Variants in GLIS3 observed in about 807,000 individuals in gnomAD.
The protein encoded by GLIS3 is GLIS family zinc finger 3, also known as zinc finger protein GLIS3.
GLIS3 carries 53 observed loss-of-function variants against 78.6 expected under a neutral mutation model. That is an observed-to-expected ratio of 0.67 (90% CI 0.54 to 0.85). GLIS3 has a LOEUF of 0.85. Ranked by LOEUF, GLIS3 falls within the 40% of genes least tolerant of loss-of-function variation. The pLI is 0.00. For synonymous variants in GLIS3, 684 were observed against 509.9 expected (o/e 1.34, Z -4.60); for missense variants, 1,703 against 1,231.1 (o/e 1.38, Z -5.74).
chr9:4,221,449 A>G (rs1011396363), intron 2 of GLIS3, among the ~76,000 whole-genome samples: 1 of 152,256 alleles, frequency 6.6e-6, no homozygotes, highest in Non-Finnish European at 1.5e-5. Context: ...CACATGTATC[A>G]TGCAGGGTCC....
chr9:4,044,082 C>G (rs755488989), intron 4 of GLIS3, among the ~76,000 whole-genome samples: 1 of 152,204 alleles, frequency 6.6e-6, no homozygotes, highest in Non-Finnish European at 1.5e-5. Context: ...AGAAAACTGG[C>G]AGACACCTTC....
At chr9:4,466,824 G>A in the GLIS3 span, among the ~76,000 whole-genome samples, 732 of 152,362 alleles carry the variant, frequency 4.8e-3, 2 homozygotes, top group Non-Finnish European at 8.5e-3. Context: ...AGCTGAAGCA[G>A]TGCAGGGCAT....
chr9:4,330,761 G>C (rs1397381952), intron 2 of GLIS3, among the ~76,000 whole-genome samples: 1 of 152,090 alleles, frequency 6.6e-6, no homozygotes, highest in Non-Finnish European at 1.5e-5. Context: ...AGCCCACTGA[G>C]AAGAGGGACT....
intron 4 of GLIS3, among the ~76,000 whole-genome samples, chr9:4,098,478 C>T (rs1018617452): frequency 3.3e-5 from 5 of 152,108 alleles, no homozygotes; most frequent in African/African-American, 7.2e-5. Context: ...TAACCCTCAC[C>T]CCTGAAGAAA....
At chr9:4,403,604 C>T in the GLIS3 span, among the ~76,000 whole-genome samples, 1 of 152,110 alleles carries the variant, frequency 6.6e-6, no homozygotes, top group African/African-American at 2.4e-5. Flanking sequence ...TATTAGTTTT[C>T]TTTTTGCATG....
chr9:4,370,738 ATAG>A, the GLIS3 span, among the ~76,000 whole-genome samples: 1 of 151,356 alleles, frequency 6.6e-6, no homozygotes, highest in Non-Finnish European at 1.5e-5. Flanking sequence ...TAAATTTAGC[ATAG>A]TATTATATCC....
intron 2 of GLIS3, among the ~76,000 whole-genome samples, chr9:4,321,572 T>C (rs1324359929): frequency 6.6e-6 from 1 of 150,674 alleles, no homozygotes; most frequent in Non-Finnish European, 1.5e-5. Flanking sequence ...AAAATGAACA[T>C]TTCAGAACTC....
intron 4 of GLIS3, among the ~76,000 whole-genome samples, chr9:3,953,976 G>A (rs1042023495): frequency 6.6e-6 from 1 of 151,818 alleles, no homozygotes; most frequent in Non-Finnish European, 1.5e-5. Flanking sequence ...ACAATACCAC[G>A]TTTTTTTCCC....
chr9:3,894,289 T>TTAAG (rs1822667411), intron 7 of GLIS3, among the ~76,000 whole-genome samples: 1 of 152,210 alleles, frequency 6.6e-6, no homozygotes, highest in South Asian at 2.1e-4. Context: ...AACTCTCCTA[T>TTAAG]TAAGTTTAAC....
At chr9:4,036,812 T>G (rs1025981200) in intron 4 of GLIS3, among the ~76,000 whole-genome samples, 3 of 152,198 alleles carry the variant, frequency 2.0e-5, no homozygotes, top group African/African-American at 7.2e-5. Flanking sequence ...GAAAGCCGTT[T>G]GGAGGACTCA....
intron 10 of GLIS3, 151 bp downstream of exon 10, chr9:3,829,159 A>C: frequency 3.0e-6 from 2 of 672,324 alleles, no homozygotes; most frequent in Non-Finnish European, 5.4e-6. Flanking sequence ...CTGGAGGGGA[A>C]GGTGGAGATG....
At chr9:3,948,840 C>T (rs1371663842) in intron 4 of GLIS3, among the ~76,000 whole-genome samples, 1 of 152,170 alleles carries the variant, frequency 6.6e-6, no homozygotes, top group Non-Finnish European at 1.5e-5. Flanking sequence ...TGTCATCTTA[C>T]AGAGCCAACA....
the GLIS3 span, among the ~76,000 whole-genome samples, chr9:4,482,630 G>C: frequency 6.6e-6 from 1 of 152,154 alleles, no homozygotes; most frequent in Non-Finnish European, 1.5e-5. Flanking sequence ...TATTTCTAGA[G>C]ATACTCAGAA....
chr9:4,283,231 C>G (rs1827708614), intron 2 of GLIS3, among the ~76,000 whole-genome samples: 1 of 151,810 alleles, frequency 6.6e-6, no homozygotes, highest in Non-Finnish European at 1.5e-5. Flanking sequence ...GAGTGTATCC[C>G]TACCGGAGTC....
chr9:4,025,171 G>C (rs1285867963), intron 4 of GLIS3, among the ~76,000 whole-genome samples: 2 of 151,902 alleles, frequency 1.3e-5, no homozygotes, highest in African/African-American at 2.4e-5. Context: ...AGAATCACTT[G>C]AATCCAGGAG....
At chr9:3,839,623 A>G (rs371297663) in intron 9 of GLIS3, among the ~76,000 whole-genome samples, 14 of 151,892 alleles carry the variant, frequency 9.2e-5, no homozygotes, top group African/African-American at 3.4e-4. Flanking sequence ...AACTGAATTT[A>G]TCCAAATCCT....
intron 4 of GLIS3, among the ~76,000 whole-genome samples, chr9:4,115,456 G>C (rs1831566301): frequency 6.6e-6 from 1 of 152,144 alleles, no homozygotes; most frequent in Non-Finnish European, 1.5e-5. Flanking sequence ...ACAGTTGTAT[G>C]TGTGTGGACT....
chr9:4,189,252 G>A (rs1818101752), intron 2 of GLIS3, among the ~76,000 whole-genome samples: 1 of 152,128 alleles, frequency 6.6e-6, no homozygotes, highest in African/African-American at 2.4e-5. Context: ...ATTTCATTAT[G>A]CACCCAGTAG....
chr9:4,241,698 A>G (rs529879945), intron 2 of GLIS3, among the ~76,000 whole-genome samples: 2 of 151,944 alleles, frequency 1.3e-5, no homozygotes, highest in East Asian at 1.9e-4. Context: ...TTTTTTTGAG[A>G]TACAGTCTTG....
Sources: gnomAD v4.1 joint callset for allele counts (sites outside exome capture counted in the v4.1 genomes callset) on GRCh38, gnomAD v4.1.1 for gene constraint, MANE v1.5 for transcripts, NCBI Gene and HGNC (gene_info 2026-07-23, HGNC 2026-07-21) for gene names.